ACRV1: variants seen among roughly 807,000 people sequenced by gnomAD.
The protein encoded by ACRV1 is acrosomal vesicle protein 1.
In ACRV1, 17 loss-of-function variants were observed where a neutral mutation model predicts 29.2. The ratio of observed to expected loss-of-function variants is 0.58; its 90% CI spans 0.40 to 0.87. The LOEUF (loss-of-function observed/expected upper bound fraction) is 0.87. Ranked by LOEUF, ACRV1 falls within the 40% of genes least tolerant of loss-of-function variation. ACRV1 has a pLI of 0.00. For synonymous variants in ACRV1, 98 were observed against 111.6 expected (o/e 0.88, Z 0.77); for missense variants, 294 against 316.0 (o/e 0.93, Z 0.53).
chr11:125,678,538 G>C (rs1942634002), intron 1 of ACRV1, among the ~76,000 whole-genome samples: 1 of 152,038 alleles, frequency 6.6e-6, no homozygotes, highest in Admixed American at 6.6e-5. Context: ...AGAATCTTAA[G>C]TTCCCCAATA....
Position 125,678,205 on chromosome 11 carries a change from G to C in ACRV1, c.145C>G (p.Pro49Ala), listed in dbSNP as rs183418543. The C allele has an allele frequency of 1.3e-5, 21 of 1,614,114 alleles. No individual in the cohort carries two copies. In the Admixed American group the frequency reaches 1.8e-4, roughly 14 times the overall value. ...TCATATAAAGCCTCAGCATCAGAAGGGTTTTCAAGTGAAAAGAACTCACCT... is the reference window on the plus strand; with the variant it reads ...TCATATAAAGCCTCAGCATCAGAAGCGTTTTCAAGTGAAAAGAACTCACCT... ...LPGEFFSLEN[P>A]SDAEALYETS... Residue 49 changes from proline (P) to alanine (A), a missense_variant, in exon 2 of 4, where the codon CCT (proline) becomes GCT (alanine). Physicochemically the swap from Pro to Ala is conservative, Grantham distance 27 (BLOSUM62 -1). Transcript: ENST00000533904.
intron 3 of ACRV1, among the ~76,000 whole-genome samples, chr11:125,673,517 C>T (rs936249114): frequency 6.6e-6 from 1 of 152,072 alleles, no homozygotes; most frequent in Non-Finnish European, 1.5e-5. Context: ...TACACCCTTT[C>T]TTGATACTCT....
intron 1 of ACRV1, 121 bp from the exon 2 acceptor site, chr11:125,678,418 G>C: frequency 8.3e-7 from 1 of 1,199,248 alleles, no homozygotes. Flanking sequence ...CCTAGATTGG[G>C]CACCTGAAGA....
chr11:125,678,291 G>C lies in ACRV1; in HGVS notation c.59C>G (p.Ser20Ter). 1 of 1,613,568 alleles carries C rather than the reference G, an allele frequency of 6.2e-7. No homozygotes were observed. Among genetic ancestry groups the C allele is most frequent in the South Asian group, 1.1e-5 (1 of 91,010 alleles). ...LYLLGSARGTSSQPNELSGSI... is the reference protein window; with the variant it reads ...LYLLGSARGT Reference sequence around the variant, plus strand: ...GCCAGAAAGCTCATTAGGCTGACTTGATGTTCCTGGGATGGAGAAGGAACA... The same window carrying C: ...GCCAGAAAGCTCATTAGGCTGACTTCATGTTCCTGGGATGGAGAAGGAACA... Residue 20 changes from serine (S) to a stop codon, truncating the protein, a stop_gained, in exon 2 of 4, where the codon TCA becomes TGA. Transcript: ENST00000533904. LOFTEE classifies it high-confidence loss of function.
intron 1 of ACRV1, 97 bp from the exon 2 acceptor site, chr11:125,678,394 A>C: frequency 6.9e-7 from 1 of 1,440,844 alleles, no homozygotes; most frequent in African/African-American, 1.4e-5. Flanking sequence ...TGAGACTCCT[A>C]GGTTTCCTAT....
Position 125,671,723 on chromosome 11 carries a change from A to G in ACRV1, c.*870T>C, listed in dbSNP as rs1458358346. ...GTAACCTTGGTAAATTTGGAACAAC[A>G]TGGAGTATGAATAAAGAAAACATCT... On this transcript the variant is annotated 3_prime_UTR_variant, in exon 4 of 4. Transcript: ENST00000533904. 1 of 152,192 alleles carries G rather than the reference A, an allele frequency of 6.6e-6. No homozygotes were observed. Among genetic ancestry groups the G allele is most frequent in the Non-Finnish European group, 1.5e-5 (1 of 68,038 alleles). The allele number at this position is 152,192 out of a possible 1,614,324, so 9.4% of individuals were successfully genotyped here.
Position 125,677,980 on chromosome 11 carries a change from G to A in ACRV1, c.370C>T (p.Leu124Phe), listed in dbSNP as rs1173743263. 2.0e-5 allele frequency: 33 copies of A among 1,612,378 alleles called. No homozygotes were observed. The highest frequency in any genetic ancestry group is 2.6e-5 in the Non-Finnish European group (31 of 1,178,714). ...TCACTCAAAGGCTGTTCTCCGGAGAGGTGTTCACCTGAAGGCTGTTCTCCT... is the reference window on the plus strand; with the variant it reads ...TCACTCAAAGGCTGTTCTCCGGAGAAGTGTTCACCTGAAGGCTGTTCTCCT... Reference protein sequence around the residue: ...PSGEQPSGEHLSGEQPLSELE... With the variant: ...PSGEQPSGEHFSGEQPLSELE... The change falls in exon 2 of 4, where the codon CTC becomes TTC. Residue 124 changes from leucine (L) to phenylalanine (F), a missense_variant. Leu to Phe is a conservative substitution (Grantham distance 22). Coordinates refer to ENST00000533904, the MANE Select transcript of ACRV1 (RefSeq NM_001612.6).
At chr11:125,674,775 T>G (rs1942406396) in intron 3 of ACRV1, among the ~76,000 whole-genome samples, 1 of 152,200 alleles carries the variant, frequency 6.6e-6, no homozygotes, top group Non-Finnish European at 1.5e-5. Flanking sequence ...TATTTTAAAA[T>G]GCATATCATA....
Position 125,677,805 on chromosome 11 carries a change from G to A in ACRV1, c.545C>T (p.Thr182Ile). 1.2e-6 allele frequency: 2 copies of A among 1,614,114 alleles called. No homozygotes were observed. The highest frequency in any genetic ancestry group is 1.1e-5 in the South Asian group (1 of 91,078). The change falls in exon 2 of 4, where the codon ACA (threonine) becomes ATA (isoleucine). Residue 182 changes from threonine to isoleucine, a missense_variant. By Grantham distance (89) the Thr-to-Ile change is moderately conservative (BLOSUM62 -1). Coordinates refer to ENST00000533904, the MANE Select transcript of ACRV1 (RefSeq NM_001612.6). ...ATCCAAACATGGCTCACCTGTAGAT[G>A]TGCTTGAAATTGGTGCACCTGAAGC... ...EQASGAPISS[T>I]STGTILNCYT...
chr11:125,678,155 T>TA lies in ACRV1; in HGVS notation c.194dup (p.Leu65PhefsTer3). On this transcript the variant is annotated frameshift_variant, in exon 2 of 4. Coordinates refer to ENST00000533904, the MANE Select transcript of ACRV1 (RefSeq NM_001612.6). LOFTEE classifies it high-confidence loss of function. ...CATGCTCACTGGAACCATGCTCACT[T>TA]AAAGTGTTCAGGCCTGAAGAAGTCT... 2 of 1,614,154 alleles carry TA rather than the reference T, an allele frequency of 1.2e-6. No individual in the cohort carries two copies. Among genetic ancestry groups the TA allele is most frequent in the Non-Finnish European group, 1.7e-6 (2 of 1,180,028 alleles).
Position 125,672,470 on chromosome 11 carries a change from A to T in ACRV1, c.*123T>A. 1 of 1,155,824 alleles carries T rather than the reference A, an allele frequency of 8.7e-7. No individual in the cohort carries two copies. Among genetic ancestry groups the T allele is most frequent in the South Asian group, 1.5e-5 (1 of 66,708 alleles). The allele number at this position is 1,155,824 out of a possible 1,614,324, so 71.6% of individuals were successfully genotyped here. On this transcript the variant is annotated 3_prime_UTR_variant, in exon 4 of 4. Transcript: ENST00000533904. ...AAAGATAGGATGTTTGAGCATCCTA[A>T]TGCTCAGGCAGAGGCAGATGTGGTC...
intron 3 of ACRV1, 130 bp downstream of exon 3, chr11:125,676,229 T>C: frequency 1.6e-6 from 2 of 1,264,160 alleles, no homozygotes; most frequent in Non-Finnish European, 2.2e-6. Context: ...TCTTAGTCCT[T>C]GAAAAAATAA....
rs539961718 is a variant in ACRV1, at chr11:125,676,605, T to G, written c.554-127A>C. On this transcript the variant is annotated intron_variant, in intron 2 of 3. Coordinates refer to ENST00000533904, the MANE Select transcript of ACRV1 (RefSeq NM_001612.6). ...TACACATTTATTTCTTAGTTCTTTT[T>G]GGGGATCTGGGCCCTGTGTCTGATA... 54 of 1,188,396 alleles carry G rather than the reference T, an allele frequency of 4.5e-5. No homozygotes were observed. In the South Asian group the frequency reaches 7.9e-4, roughly 17 times the overall value. The allele number at this position is 1,188,396 out of a possible 1,614,324, so 73.6% of individuals were successfully genotyped here.
intron 3 of ACRV1, among the ~76,000 whole-genome samples, chr11:125,674,715 A>G (rs1942400242): frequency 6.6e-6 from 1 of 152,244 alleles, no homozygotes; most frequent in African/African-American, 2.4e-5. Flanking sequence ...TTTTCCTAGT[A>G]ACAGGTCTTT....
rs953527278 is a variant in ACRV1 at position 125,675,050 on chromosome 11, C to T, written c.673+1309G>A. On this transcript the variant is annotated intron_variant, in intron 3 of 3. Coordinates refer to ENST00000533904, the MANE Select transcript of ACRV1 (RefSeq NM_001612.6). ...TATCTCTTTAATCTTGACTGCACAT[C>T]GGAATTGTCTAGGAGCCTTTAAAAA... 1.2e-4 allele frequency among the ~76,000 whole-genome samples: 18 copies of T among 152,318 alleles called. No homozygotes were observed. The East Asian group carries it at 2.9e-3, about 25-fold the overall frequency.
chr11:125,678,051 G>T lies in ACRV1; in HGVS notation c.299C>A (p.Ala100Glu). The T allele has an allele frequency of 6.2e-7, 1 of 1,614,122 alleles. No individual in the cohort carries two copies. The highest frequency in any genetic ancestry group is 8.5e-7 in the Non-Finnish European group (1 of 1,180,024). Reference sequence around the variant, plus strand: ...ATGCTCACCTTCAGCATGTTCAGTCGCAGCGGGCTCACCTGAAGCATGCTC... The same window carrying T: ...ATGCTCACCTTCAGCATGTTCAGTCTCAGCGGGCTCACCTGAAGCATGCTC... ...ESEHASGEPA[A>E]TEHAEGEHTV... is the part of the protein sequence containing the mutation. Residue 100 changes from alanine (A) to glutamate (E), a missense_variant, in exon 2 of 4, where the codon GCG (alanine) becomes GAG (glutamate). Transcript: ENST00000533904.
In ACRV1 at chr11:125,671,557, T is replaced by TA. The variant is rs1208528290; in HGVS notation, c.*1035dup. On this transcript the variant is annotated 3_prime_UTR_variant, in exon 4 of 4. Coordinates refer to ENST00000533904, the MANE Select transcript of ACRV1 (RefSeq NM_001612.6). ...ATATATGTTGAAATTTTAAATTTTA[T>TA]ATACAGTAAAATTGACTTCTTGTTG... 2.0e-5 allele frequency: 3 copies of TA among 152,204 alleles called. No homozygotes were observed. Among genetic ancestry groups the TA allele is most frequent in the Non-Finnish European group, 2.9e-5 (2 of 68,040 alleles). 9.4% of individuals were successfully genotyped at this position (152,204 alleles called of 1,614,324 possible). A position where few individuals can be genotyped will look rare whatever the true frequency, so the allele number is the denominator to read the frequency against.
At chr11:125,680,415 A>G (rs1942742989) in intron 1 of ACRV1, among the ~76,000 whole-genome samples, 1 of 152,178 alleles carries the variant, frequency 6.6e-6, no homozygotes, top group African/African-American at 2.4e-5. Context: ...AATTGGTGGG[A>G]CAAACCTTCA....
At chr11:125,673,587 C>T (rs1286947846) in intron 3 of ACRV1, among the ~76,000 whole-genome samples, 1 of 152,120 alleles carries the variant, frequency 6.6e-6, no homozygotes, top group Non-Finnish European at 1.5e-5. Flanking sequence ...ATTATTTCTG[C>T]TCTCCCAAGT....
Sources: gnomAD v4.1 joint callset for allele counts (sites outside exome capture counted in the v4.1 genomes callset) on GRCh38, gnomAD v4.1.1 for gene constraint, MANE v1.5 for transcripts, NCBI Gene and HGNC (gene_info 2026-07-23, HGNC 2026-07-21) for gene names.